RFX4: variants seen among roughly 807,000 people sequenced by gnomAD.
RFX4 encodes regulatory factor X4, also known as transcription factor RFX4.
A neutral mutation model predicts 95.0 loss-of-function variants in RFX4; 10 were observed. The ratio of observed to expected loss-of-function variants is 0.11; its 90% CI spans 0.06 to 0.18. The LOEUF (loss-of-function observed/expected upper bound fraction) is 0.18. Ranked by LOEUF, RFX4 falls within the 10% of genes least tolerant of loss-of-function variation. RFX4 has a pLI of 1.00. For missense variants in RFX4, 640 were observed against 922.0 expected, an observed-to-expected ratio of 0.69 and a Z score of 3.96; for synonymous variants, 321 against 340.7, an observed-to-expected ratio of 0.94 and a Z score of 0.64.
chr12:106,587,441 C>T (rs1488949468), intron 1 of RFX4, among the ~76,000 whole-genome samples: 1 of 152,142 alleles, frequency 6.6e-6, no homozygotes, highest in Admixed American at 6.5e-5. Flanking sequence ...AGGCAGAGGC[C>T]GACAACAAAG....
At chr12:106,618,743 A>G (rs1022279890) in intron 2 of RFX4, among the ~76,000 whole-genome samples, 2 of 152,142 alleles carry the variant, frequency 1.3e-5, no homozygotes, top group Admixed American at 6.5e-5. Context: ...TAATATTGTT[A>G]CTGACATTAT....
intron 1 of RFX4, among the ~76,000 whole-genome samples, chr12:106,608,316 C>T (rs1381906416): frequency 6.6e-6 from 1 of 152,180 alleles, no homozygotes; most frequent in Non-Finnish European, 1.5e-5. Flanking sequence ...CTACAAGGTT[C>T]CCTGCCCTCT....
intron 4 of RFX4, among the ~76,000 whole-genome samples, chr12:106,670,895 A>G (rs921999109): frequency 6.6e-6 from 1 of 152,226 alleles, no homozygotes; most frequent in African/African-American, 2.4e-5. Flanking sequence ...TAAATTTGTG[A>G]CAATTAGTTC....
At chr12:106,583,489 C>T (rs932960458) in intron 1 of RFX4, 126 bp downstream of exon 1, 1 of 854,842 alleles carries the variant, frequency 1.2e-6, no homozygotes, top group Non-Finnish European at 1.7e-6. Context: ...CAAAGAATAA[C>T]GCAGAGCTTG....
At chr12:106,671,956 C>T (rs1289897643) in intron 4 of RFX4, among the ~76,000 whole-genome samples, 1 of 152,146 alleles carries the variant, frequency 6.6e-6, no homozygotes, top group Non-Finnish European at 1.5e-5. Flanking sequence ...GCCACCACAC[C>T]CGGCCTCCAG....
chr12:106,619,747 T>G lies in RFX4; in HGVS notation c.130+10864T>G, dbSNP rs1170537187. Among the ~76,000 whole-genome samples the G allele has an allele frequency of 2.6e-5, 4 of 152,210 alleles. No homozygotes were observed. The East Asian group carries it at 7.7e-4, about 29-fold the overall frequency. ...GACTTTTCGATTATACTTCATTTTTTTATGTTTTGCTCTGGTTTGTCCATC... is the reference window on the plus strand; with the variant it reads ...GACTTTTCGATTATACTTCATTTTTGTATGTTTTGCTCTGGTTTGTCCATC... On this transcript the variant is annotated intron_variant, in intron 2 of 17. Transcript: ENST00000392842.
intron 1 of RFX4, among the ~76,000 whole-genome samples, chr12:106,599,471 GTGATGATGATGA>G (rs3067521): frequency 0.077 from 11,638 of 150,652 alleles, 587 homozygotes; most frequent in Non-Finnish European, 0.092. Context: ...AGTCATCGCT[GTGATGATGATGA>G]TGATGATGAT....
chr12:106,604,906 A>G (rs1474482107), intron 1 of RFX4, among the ~76,000 whole-genome samples: 1 of 152,252 alleles, frequency 6.6e-6, no homozygotes, highest in Non-Finnish European at 1.5e-5. Flanking sequence ...CAGGACATAG[A>G]AAAAGGAGAA....
chr12:106,647,702 A>G (rs2040775608), intron 3 of RFX4, among the ~76,000 whole-genome samples: 1 of 152,202 alleles, frequency 6.6e-6, no homozygotes, highest in Admixed American at 6.5e-5. Flanking sequence ...AGTTTAAGAT[A>G]CAAAACATTA....
At position 106,654,398 on chromosome 12, in the gene RFX4, A is replaced by T. The variant is rs780668922; in HGVS notation, c.315+47A>T. 1.9e-6 allele frequency: 3 copies of T among 1,579,244 alleles called. No individual in the cohort carries two copies. The South Asian group carries it at 3.5e-5, about 18-fold the overall frequency. On this transcript the variant is annotated intron_variant, in intron 4 of 17. Coordinates refer to ENST00000392842, the MANE Select transcript of RFX4 (RefSeq NM_213594.3). Reference sequence around the variant, plus strand: ...TTGTCCTCCCTACCACCCCAACTTTAAGTAATTTATGCACAGTTTTAAAGC... The same window carrying T: ...TTGTCCTCCCTACCACCCCAACTTTTAGTAATTTATGCACAGTTTTAAAGC...
At chr12:106,672,489 T>G (rs1267233519) in intron 4 of RFX4, among the ~76,000 whole-genome samples, 1 of 152,200 alleles carries the variant, frequency 6.6e-6, no homozygotes, top group Non-Finnish European at 1.5e-5. Context: ...GCAGGCTTCA[T>G]TGAATCCATA....
chr12:106,587,254 C>T (rs542903358), intron 1 of RFX4, among the ~76,000 whole-genome samples: 6 of 152,338 alleles, frequency 3.9e-5, no homozygotes, highest in South Asian at 4.1e-4. Flanking sequence ...CAGGGGCCGC[C>T]CGGCGCCTCG....
chr12:106,750,620 TACTC>T (rs2042983355), intron 16 of RFX4, 31 bp from the exon 17 acceptor site: 1 of 1,531,498 alleles, frequency 6.5e-7, no homozygotes, highest in Admixed American at 2.1e-5. Flanking sequence ...TTCTTGCTAT[TACTC>T]ACACTATTCA....
chr12:106,618,233 A>T (rs948381791), intron 2 of RFX4, among the ~76,000 whole-genome samples: 2 of 150,068 alleles, frequency 1.3e-5, no homozygotes, highest in African/African-American at 5.0e-5. Context: ...TATGTTATAG[A>T]TAACATATGT....
At chr12:106,703,894 T>C (rs553856900) in intron 8 of RFX4, among the ~76,000 whole-genome samples, 1 of 151,982 alleles carries the variant, frequency 6.6e-6, no homozygotes, top group East Asian at 1.9e-4. Flanking sequence ...GTCGAAACCC[T>C]GTCTCTACGA....
chr12:106,612,695 G>A (rs1424963300), intron 2 of RFX4, among the ~76,000 whole-genome samples: 1 of 152,130 alleles, frequency 6.6e-6, no homozygotes, highest in Non-Finnish European at 1.5e-5. Flanking sequence ...AAAATTAGCT[G>A]GGCATGGTGG....
intron 4 of RFX4, among the ~76,000 whole-genome samples, chr12:106,667,390 C>A (rs1224756779): frequency 1.3e-5 from 2 of 152,104 alleles, no homozygotes; most frequent in Non-Finnish European, 2.9e-5. Flanking sequence ...ACAGAGTGCT[C>A]CAGCGTATTT....
intron 8 of RFX4, among the ~76,000 whole-genome samples, chr12:106,700,176 C>A (rs1323570058): frequency 6.6e-6 from 1 of 151,852 alleles, no homozygotes; most frequent in East Asian, 1.9e-4. Flanking sequence ...AAATTACAGG[C>A]ATGTGCCACT....
intron 2 of RFX4, among the ~76,000 whole-genome samples, chr12:106,611,038 T>C (rs898843951): frequency 6.6e-6 from 1 of 152,204 alleles, no homozygotes; most frequent in African/African-American, 2.4e-5. Flanking sequence ...GGTATCCCAT[T>C]GTGGTTTTCA....
Sources: allele counts gnomAD v4.1 joint callset (sites outside exome capture counted in the v4.1 genomes callset), GRCh38; gene constraint gnomAD v4.1.1; transcripts MANE v1.5; gene names NCBI Gene and HGNC (gene_info 2026-07-23, HGNC 2026-07-21).